The following MORF4L1 variants were observed in gnomAD, a reference collection of about 807,000 sequenced individuals.
MORF4L1 encodes the protein mortality factor 4-like protein 1.
MORF4L1 carries 4 observed loss-of-function variants against 52.9 expected under a neutral mutation model. That is an observed-to-expected ratio of 0.08 (90% CI 0.04 to 0.17). The LOEUF (loss-of-function observed/expected upper bound fraction) is 0.17, where lower values mean the gene tolerates loss of function less well. MORF4L1 is among the 10% of genes least tolerant of loss of function. MORF4L1 has a pLI of 1.00. For missense variants in MORF4L1, 214 were observed against 390.4 expected, an observed-to-expected ratio of 0.55 and a Z score of 3.81; for synonymous variants, 123 against 134.8, an observed-to-expected ratio of 0.91 and a Z score of 0.61.
intron 2 of MORF4L1, among the ~76,000 whole-genome samples, chr15:78,879,662 G>A (rs2056564400): frequency 6.6e-6 from 1 of 151,952 alleles, no homozygotes; most frequent in South Asian, 2.1e-4. Flanking sequence ...ATGGCCAGGG[G>A]CTGTGACGTA....
intron 1 of MORF4L1, chr15:78,873,325 T>C (rs1211049767): frequency 8.1e-6 from 9 of 1,110,244 alleles, no homozygotes; most frequent in Non-Finnish European, 8.4e-6. Flanking sequence ...GTGTTTGTTA[T>C]TGTTCTGAGG....
chr15:78,889,521 G>A (rs7180086), intron 5 of MORF4L1, among the ~76,000 whole-genome samples: 4,396 of 152,266 alleles, frequency 0.029, 240 homozygotes, highest in African/African-American at 0.1. Context: ...TTACTTTAGA[G>A]TTGAGATCAC....
chr15:78,882,532 T>C (rs2056621316), intron 3 of MORF4L1, among the ~76,000 whole-genome samples: 1 of 152,218 alleles, frequency 6.6e-6, no homozygotes, highest in Non-Finnish European at 1.5e-5. Context: ...ATCTCATAGC[T>C]TTTTATTACT....
chr15:78,877,439 C>G (rs183288101), intron 1 of MORF4L1, among the ~76,000 whole-genome samples: 1 of 152,072 alleles, frequency 6.6e-6, no homozygotes, highest in African/African-American at 2.4e-5. Flanking sequence ...AATTTTAGAG[C>G]TAAAAAAGAG....
rs144048458 is a variant in MORF4L1, at chr15:78,873,365, A to G, written c.40+308A>G. ...GGGCGCGGAGAGAGCAGCCTATTGT[A>G]GGGAGGCGACGGGAGCGCCATGGCG... On this transcript the variant is annotated intron_variant, in intron 1 of 11. Transcript: ENST00000426013. The G allele has an allele frequency of 1.7e-4, 77 of 455,492 alleles. 1 individual carries two copies. In the East Asian group the frequency reaches 6.3e-3, roughly 37 times the overall value. 28.2% of individuals were successfully genotyped at this position (455,492 alleles called of 1,614,324 possible).
At chr15:78,892,643 A>G (rs1016988425) in intron 8 of MORF4L1, 4 of 181,476 alleles carry the variant, frequency 2.2e-5, no homozygotes, top group Non-Finnish European at 4.6e-5. Flanking sequence ...GGCCATAGAA[A>G]GCACACACCA....
chr15:78,874,847 A>G (rs1477019413), intron 1 of MORF4L1, among the ~76,000 whole-genome samples: 1 of 126,258 alleles, frequency 7.9e-6, no homozygotes. Flanking sequence ...TCAGTGCATT[A>G]ATTGAGACGG....
At position 78,882,718 on chromosome 15, in the gene MORF4L1, C is replaced by A. The variant is rs989190382; in HGVS notation, c.155+2139C>A. 8.0e-5 allele frequency among the ~76,000 whole-genome samples: 12 copies of A among 150,072 alleles called. 1 individual carries two copies. The highest frequency in any genetic ancestry group is 2.0e-4 in the Admixed American group (3 of 15,030). On this transcript the variant is annotated intron_variant, in intron 3 of 11. Transcript: ENST00000426013. ...GAGTGGGAAAGACCATATAGGATAT[C>A]AAAAAAAAACACAAAGCAAATTTAT... is the stretch of plus-strand genomic sequence containing the variant.
At chr15:78,888,689 C>G (rs1465463503) in intron 5 of MORF4L1, among the ~76,000 whole-genome samples, 2 of 152,116 alleles carry the variant, frequency 1.3e-5, no homozygotes, top group Non-Finnish European at 2.9e-5. Context: ...CTGCAGTGAT[C>G]TGTGATTGCA....
chr15:78,876,423 T>G (rs906430448), intron 1 of MORF4L1: 4 of 394,976 alleles, frequency 1.0e-5, no homozygotes, highest in Non-Finnish European at 2.0e-5. Context: ...TTTTGTTTTG[T>G]TTAGATTTTG....
intron 4 of MORF4L1, among the ~76,000 whole-genome samples, chr15:78,886,739 A>T (rs1282701920): frequency 6.6e-6 from 1 of 152,190 alleles, no homozygotes; most frequent in East Asian, 1.9e-4. Flanking sequence ...GTGGATCACG[A>T]GGTCAGGAGA....
rs2056401120 is a variant in MORF4L1 at position 78,873,160 on chromosome 15, C to T, written c.40+103C>T. On this transcript the variant is annotated intron_variant, in intron 1 of 11. Transcript: ENST00000426013. ...GGCCGGGGGCGGCGCGGGCTGCGCC[C>T]TGAGAAGGCGGCGGTCAGTGCTTTG... 6 of 1,536,778 alleles carry T rather than the reference C, an allele frequency of 3.9e-6. No homozygotes were observed. The African/African-American group carries it at 4.2e-5, about 11-fold the overall frequency.
chr15:78,896,877 A>C, intron 11 of MORF4L1, 106 bp from the exon 12 acceptor site: 1 of 786,350 alleles, frequency 1.3e-6, no homozygotes, highest in Admixed American at 2.3e-5. Flanking sequence ...GGTTTAATGT[A>C]TTTTAGGAAA....
At chr15:78,892,125 C>A in intron 7 of MORF4L1, 87 bp from the exon 8 acceptor site, 1 of 820,184 alleles carries the variant, frequency 1.2e-6, no homozygotes, top group Admixed American at 2.3e-5. Context: ...AGATTTATCC[C>A]TAGTGCCTCT....
intron 1 of MORF4L1, chr15:78,873,320 T>C (rs1283612327): frequency 1.1e-5 from 13 of 1,142,276 alleles, no homozygotes; most frequent in Admixed American, 7.0e-5. Flanking sequence ...GTCAAGTGTT[T>C]GTTATTGTTC....
At chr15:78,893,255 A>G (rs2056830835) in intron 8 of MORF4L1, among the ~76,000 whole-genome samples, 1 of 152,250 alleles carries the variant, frequency 6.6e-6, no homozygotes, top group African/African-American at 2.4e-5. Flanking sequence ...TCTGTCTAGT[A>G]GAGTCTCATT....
intron 7 of MORF4L1, among the ~76,000 whole-genome samples, 158 bp from the exon 8 acceptor site, chr15:78,892,054 A>G (rs1489997321): frequency 6.6e-6 from 1 of 152,208 alleles, no homozygotes; most frequent in Non-Finnish European, 1.5e-5. Flanking sequence ...CGAACCGCGT[A>G]TGGTCGTTTT....
chr15:78,884,930 T>C, intron 3 of MORF4L1: 1 of 1,469,622 alleles, frequency 6.8e-7, no homozygotes, highest in Non-Finnish European at 9.4e-7. Context: ...CTGCACCTGG[T>C]CACTGAGATT....
intron 5 of MORF4L1, 115 bp from the exon 6 acceptor site, chr15:78,890,874 C>T: frequency 9.7e-7 from 1 of 1,027,698 alleles, no homozygotes; most frequent in Non-Finnish European, 1.3e-6. Context: ...ATATTTACCA[C>T]CTGATCCTTT....
Sources: allele counts gnomAD v4.1 joint callset (sites outside exome capture counted in the v4.1 genomes callset), GRCh38; gene constraint gnomAD v4.1.1; transcripts MANE v1.5; gene names NCBI Gene and HGNC (gene_info 2026-07-23, HGNC 2026-07-21).